Variants in LRRC27 observed in about 807,000 individuals in gnomAD.
LRRC27 encodes the protein leucine-rich repeat-containing protein 27.
In LRRC27, 57 loss-of-function variants were observed where a neutral mutation model predicts 55.0. That is an observed-to-expected ratio of 1.04 (90% confidence interval 0.84 to 1.29). The LOEUF is 1.29. LRRC27 is among the 50% of genes most tolerant of loss of function. The pLI is 0.00. For synonymous variants in LRRC27, 278 were observed against 251.9 expected, an observed-to-expected ratio of 1.10 and a Z score of -0.98; for missense variants, 721 against 651.5, an observed-to-expected ratio of 1.11 and a Z score of -1.16.
intron 8 of LRRC27, among the ~76,000 whole-genome samples, chr10:132,360,823 C>A (rs1377826203): frequency 6.6e-6 from 1 of 152,236 alleles, no homozygotes; most frequent in Non-Finnish European, 1.5e-5. Context: ...TTCCCTCCTA[C>A]CTGTTTTTGT....
chr10:132,373,776 G>A (rs2133112215), intron 10 of LRRC27, among the ~76,000 whole-genome samples: 2 of 152,268 alleles, frequency 1.3e-5, no homozygotes, highest in South Asian at 4.1e-4. Context: ...AGCCTGGCGG[G>A]GTCTCCACAG....
At position 132,361,580 on chromosome 10, in the gene LRRC27, G is replaced by C; in HGVS notation, c.1289+5G>C. 6.2e-7 allele frequency: 1 copy of C among 1,603,170 alleles called. No individual in the cohort carries two copies. The highest frequency in any genetic ancestry group is 8.5e-7 in the Non-Finnish European group (1 of 1,170,496). On this transcript the variant is annotated splice_donor_5th_base_variant and intron_variant, in intron 9 of 10. Coordinates refer to ENST00000368614, the MANE Select transcript of LRRC27 (RefSeq NM_030626.3). Reference sequence around the variant, plus strand: ...ACAAGCAAGTAAAGAAATGAGGTTGGTAACTGCAACTGGCACTCAGTCCTT... The same window carrying C: ...ACAAGCAAGTAAAGAAATGAGGTTGCTAACTGCAACTGGCACTCAGTCCTT...
chr10:132,344,917 G>A (rs1020903076), intron 5 of LRRC27: 5 of 319,990 alleles, frequency 1.6e-5, no homozygotes, highest in African/African-American at 1.0e-4. Flanking sequence ...AAATGAAACA[G>A]TTATCACCTC....
chr10:132,352,930 A>G, intron 7 of LRRC27: 1 of 1,613,844 alleles, frequency 6.2e-7, no homozygotes, highest in Non-Finnish European at 8.5e-7. Context: ...TGACACGGTC[A>G]TCAGGGAGGT....
chr10:132,346,617 A>T (rs2067709225), intron 5 of LRRC27, among the ~76,000 whole-genome samples: 1 of 152,202 alleles, frequency 6.6e-6, no homozygotes, highest in Admixed American at 6.5e-5. Flanking sequence ...CGGAGCCAAG[A>T]TGGTGTCACT....
At chr10:132,334,656 CTCTT>C (rs1274743768) in intron 2 of LRRC27, among the ~76,000 whole-genome samples, 1 of 152,228 alleles carries the variant, frequency 6.6e-6, no homozygotes, top group Non-Finnish European at 1.5e-5. Context: ...GCTGGTCTTG[CTCTT>C]TCTTTCCTTC....
At chr10:132,354,563 G>A (rs2068221132) in intron 7 of LRRC27, among the ~76,000 whole-genome samples, 1 of 152,198 alleles carries the variant, frequency 6.6e-6, no homozygotes, top group Admixed American at 6.5e-5. Context: ...TGAGGCAGCT[G>A]CTGAGACCAC....
At chr10:132,354,948 G>C (rs570832756) in intron 7 of LRRC27, among the ~76,000 whole-genome samples, 1 of 152,214 alleles carries the variant, frequency 6.6e-6, no homozygotes, top group Non-Finnish European at 1.5e-5. Flanking sequence ...AGCCACACGC[G>C]AGGAGCCCCG....
intron 8 of LRRC27, among the ~76,000 whole-genome samples, chr10:132,359,193 A>G (rs1325615553): frequency 6.6e-6 from 1 of 152,004 alleles, no homozygotes; most frequent in Non-Finnish European, 1.5e-5. Context: ...CGTGGGATAG[A>G]GCATGGAGGC....
chr10:132,344,555 C>G lies in LRRC27; in HGVS notation c.458C>G (p.Pro153Arg), dbSNP rs1564829204. The G allele has an allele frequency of 6.2e-7, 1 of 1,614,176 alleles. No homozygotes were observed. The highest frequency in any genetic ancestry group is 1.6e-4 in the Middle Eastern group (1 of 6,062). ...NLRHCPLEFPPQLVVQKGLVA... is the reference protein window; with the variant it reads ...NLRHCPLEFPRQLVVQKGLVA... ...AGACACTGCCCTCTGGAATTCCCTC[C>G]TCAGCTCGTTGTGCAGAAGGGATTG... Residue 153 changes from proline (P) to arginine (R), a missense_variant, in exon 5 of 11, where the codon CCT becomes CGT. Coordinates refer to ENST00000368614, the MANE Select transcript of LRRC27 (RefSeq NM_030626.3).
chr10:132,359,686 G>A (rs145578477), intron 8 of LRRC27, among the ~76,000 whole-genome samples: 314 of 152,374 alleles, frequency 2.1e-3, no homozygotes, highest in African/African-American at 4.4e-3. Context: ...TTGAGGCTGC[G>A]GCTGCTGAAA....
At chr10:132,347,693 C>T (rs1398569832) in intron 5 of LRRC27, among the ~76,000 whole-genome samples, 2 of 129,900 alleles carry the variant, frequency 1.5e-5, no homozygotes, top group East Asian at 5.0e-4. Context: ...GTGGTGCCTG[C>T]GGGGAGGGTC....
chr10:132,377,273 T>C lies in LRRC27; in HGVS notation c.*2031T>C, dbSNP rs2069350206. On this transcript the variant is annotated 3_prime_UTR_variant, in exon 11 of 11. Transcript: ENST00000368614. ...TTAAGGTGCGTGTGCGTACGGCGGATTCCGTGCCCATCTCATGTTTTTATT... is the reference window on the plus strand; with the variant it reads ...TTAAGGTGCGTGTGCGTACGGCGGACTCCGTGCCCATCTCATGTTTTTATT... 1 of 152,278 alleles carries C rather than the reference T, an allele frequency of 6.6e-6. No individual in the cohort carries two copies. Among genetic ancestry groups the C allele is most frequent in the Non-Finnish European group, 1.5e-5 (1 of 68,054 alleles). The allele number at this position is 152,278 out of a possible 1,614,324, so 9.4% of individuals were successfully genotyped here. A position where few individuals can be genotyped will look rare whatever the true frequency, so the allele number is the denominator to read the frequency against.
intron 7 of LRRC27, among the ~76,000 whole-genome samples, chr10:132,352,123 G>A (rs1381140271): frequency 3.0e-3 from 153 of 51,586 alleles, no homozygotes; most frequent in Non-Finnish European, 4.0e-3. Flanking sequence ...TGTGGGGCAG[G>A]CGCTGAGGCC....
chr10:132,367,332 A>G (rs552750084), intron 10 of LRRC27, among the ~76,000 whole-genome samples: 1 of 152,372 alleles, frequency 6.6e-6, no homozygotes, highest in South Asian at 2.1e-4. Context: ...TAAGGAAGAA[A>G]CTATACCAAT....
upstream of LRRC27, chr10:132,331,712 C>G: frequency 1.9e-6 from 3 of 1,612,666 alleles, no homozygotes; most frequent in Non-Finnish European, 2.5e-6. Flanking sequence ...CCGGGCCCTC[C>G]GGCTCCCCAG....
In LRRC27 at chr10:132,348,364, T is replaced by G. The variant is rs375967376; in HGVS notation, c.926+8T>G. The G allele has an allele frequency of 1.2e-6, 2 of 1,600,804 alleles. No homozygotes were observed. Among genetic ancestry groups the G allele is most frequent in the Non-Finnish European group, 1.7e-6 (2 of 1,172,280 alleles). On this transcript the variant is annotated splice_region_variant and intron_variant, in intron 6 of 10. Transcript: ENST00000368614. The surrounding 1 kb of genome is among the most constrained non-coding windows in gnomAD (Gnocchi z 4.2). The stretch of plus-strand genomic sequence containing the variant: ...GCCAAGACACGTTTTCAGGTAAAAC[T>G]GAAAAGCAACGGGGGATTTTCTTGA...
chr10:132,341,098 C>G (rs2067392183), intron 3 of LRRC27, among the ~76,000 whole-genome samples: 1 of 151,518 alleles, frequency 6.6e-6, no homozygotes, highest in African/African-American at 2.4e-5. Flanking sequence ...GAGTTCAAAA[C>G]TGGCTTCAGC....
Position 132,348,347 on chromosome 10 carries a change from A to G in LRRC27, c.917A>G (p.His306Arg), listed in dbSNP as rs953108841. The change falls in exon 6 of 11, where the codon CAC becomes CGC. Residue 306 changes from histidine to arginine, a missense_variant. Transcript: ENST00000368614. The surrounding 1 kb of genome is among the most constrained non-coding windows in gnomAD (Gnocchi z 4.2). ...GAGAAAGAACTACCAAAGCCAAGAC[A>G]CGTTTTCAGGTAAAACTGAAAAGCA... ...NIEKELPKPR[H>R]VFRRKTASSR... 4 of 1,608,330 alleles carry G rather than the reference A, an allele frequency of 2.5e-6. No homozygotes were observed. The Admixed American group carries it at 5.0e-5, about 20-fold the overall frequency.
Sources: gnomAD v4.1 joint callset for allele counts (sites outside exome capture counted in the v4.1 genomes callset) on GRCh38, gnomAD v4.1.1 for gene constraint, Gnocchi (gnomAD v3.1) non-coding constraint, MANE v1.5 for transcripts, NCBI Gene and HGNC (gene_info 2026-07-23, HGNC 2026-07-21) for gene names.